Variants in TOM1 observed in about 807,000 individuals in gnomAD.
TOM1 encodes target of myb1 membrane trafficking protein.
Under a neutral mutation model 61.3 loss-of-function variants are expected in TOM1, and 38 were observed. That is an observed-to-expected ratio of 0.62 (90% confidence interval 0.48 to 0.81). TOM1 has a LOEUF of 0.81. Among genes scored for constraint, TOM1 ranks in the 40% least tolerant of loss-of-function variants. TOM1 has a pLI of 0.00. For missense variants in TOM1, 591 were observed against 659.6 expected, an observed-to-expected ratio of 0.90 and a Z score of 1.14; for synonymous variants, 270 against 268.8, an observed-to-expected ratio of 1.00 and a Z score of -0.04.
chr22:35,337,002 G>A (rs1024334274), intron 11 of TOM1, among the ~76,000 whole-genome samples: 2 of 150,236 alleles, frequency 1.3e-5, no homozygotes, highest in African/African-American at 2.5e-5. Flanking sequence ...GTGCAGTGGC[G>A]CTTGCAGAGT....
At chr22:35,331,713 G>A (rs755648617) in intron 8 of TOM1, among the ~76,000 whole-genome samples, 2 of 152,024 alleles carry the variant, frequency 1.3e-5, no homozygotes, top group African/African-American at 2.4e-5. Context: ...GTGAAACCCC[G>A]TCTCTACTAA....
chr22:35,335,417 T>A (rs554439382), intron 11 of TOM1, among the ~76,000 whole-genome samples: 1 of 152,300 alleles, frequency 6.6e-6, no homozygotes, highest in South Asian at 2.1e-4. Context: ...AGCTGTATCT[T>A]TCTTTAGTCT....
intron 1 of TOM1, among the ~76,000 whole-genome samples, chr22:35,300,627 C>T (rs1341247553): frequency 6.6e-6 from 1 of 152,188 alleles, no homozygotes; most frequent in South Asian, 2.1e-4. Flanking sequence ...CCTGGTCAGC[C>T]CATCTCGGTG....
chr22:35,300,069 A>AGGCAGGGAG, intron 1 of TOM1, 89 bp downstream of exon 1: 1 of 1,461,306 alleles, frequency 6.8e-7, no homozygotes, highest in Non-Finnish European at 9.3e-7. Flanking sequence ...CTAGTCACGG[A>AGGCAGGGAG]GGCAGGGAGG....
intron 1 of TOM1, among the ~76,000 whole-genome samples, chr22:35,314,144 C>T (rs535219117): frequency 3.3e-5 from 5 of 152,332 alleles, no homozygotes; most frequent in African/African-American, 1.2e-4. Flanking sequence ...TCACCGCAAT[C>T]CTGTTGTCCA....
At chr22:35,334,549 A>G (rs1376559658) in intron 11 of TOM1, 101 bp downstream of exon 11, 1 of 1,447,218 alleles carries the variant, frequency 6.9e-7, no homozygotes, top group African/African-American at 1.4e-5. Context: ...GGGCACACGG[A>G]CCCTGCTTAG....
At chr22:35,304,800 G>A (rs1306663277) in intron 1 of TOM1, among the ~76,000 whole-genome samples, 2 of 152,236 alleles carry the variant, frequency 1.3e-5, no homozygotes, top group Admixed American at 1.3e-4. Context: ...TTTATAGACA[G>A]ATATCAAGAA....
At chr22:35,343,703 C>T (rs1018552961) in intron 12 of TOM1, among the ~76,000 whole-genome samples, 2 of 114,432 alleles carry the variant, frequency 1.7e-5, no homozygotes, top group Admixed American at 1.9e-4. Flanking sequence ...ACTCATACAC[C>T]TACACACACA....
chr22:35,323,027 GGTCTTAGAAACCTGT>G lies in TOM1; in HGVS notation c.220_234del (p.Leu74_Val78del). Reference sequence around the variant, plus strand: ...CTCGACGGCACCTCTCGGCCCTCCAGGTCTTAGAAACCTGTGTCAAGAACTGCGGGCACCGCTTCC... The same window carrying G: ...CTCGACGGCACCTCTCGGCCCTCCAGGTCAAGAACTGCGGGCACCGCTTCC... On this transcript the variant is annotated inframe_deletion and splice_region_variant, in exon 4 of 15. Transcript: ENST00000449058. This position sits in a 1 kb window ranked among gnomAD's most constrained non-coding sequence, Gnocchi z 4.2. 6.2e-7 allele frequency: 1 copy of G among 1,613,958 alleles called. No homozygotes were observed. Among genetic ancestry groups the G allele is most frequent in the Non-Finnish European group, 8.5e-7 (1 of 1,180,008 alleles).
chr22:35,327,634 C>T (rs1928457310), intron 7 of TOM1, among the ~76,000 whole-genome samples: 1 of 152,200 alleles, frequency 6.6e-6, no homozygotes, highest in Non-Finnish European at 1.5e-5. Context: ...ATTGCTCTAA[C>T]AATAGCCTTC....
chr22:35,342,030 A>G (rs1032941966), intron 12 of TOM1, among the ~76,000 whole-genome samples: 1 of 152,070 alleles, frequency 6.6e-6, no homozygotes, highest in Non-Finnish European at 1.5e-5. Flanking sequence ...AGTGCCAGCT[A>G]CTTGGGAGGC....
intron 6 of TOM1, 149 bp from the exon 7 acceptor site, chr22:35,327,122 G>A (rs929121897): frequency 4.2e-5 from 30 of 713,276 alleles, no homozygotes; most frequent in Non-Finnish European, 6.2e-5. Flanking sequence ...GTCACTTTGG[G>A]AGCCAGGAGG....
intron 1 of TOM1, among the ~76,000 whole-genome samples, chr22:35,317,470 G>A (rs554715100): frequency 3.3e-5 from 5 of 152,300 alleles, no homozygotes; most frequent in African/African-American, 1.2e-4. Context: ...TTACAGGCGT[G>A]AGCCACCGCG....
chr22:35,328,821 C>T (rs1019877959), intron 7 of TOM1, among the ~76,000 whole-genome samples: 3 of 152,352 alleles, frequency 2.0e-5, no homozygotes, highest in African/African-American at 7.2e-5. Flanking sequence ...AGGCCACAGT[C>T]GGCAATGCCG....
intron 12 of TOM1, 95 bp downstream of exon 12, chr22:35,338,883 C>T (rs923505776): frequency 5.2e-5 from 61 of 1,163,854 alleles, no homozygotes; most frequent in Admixed American, 4.3e-4. Context: ...AAGCACTGGC[C>T]CAGCACGTCC....
chr22:35,346,013 G>A (rs1332554435), intron 13 of TOM1, among the ~76,000 whole-genome samples: 1 of 152,218 alleles, frequency 6.6e-6, no homozygotes, highest in African/African-American at 2.4e-5. Flanking sequence ...CTGCTCCCAA[G>A]GTGAGGTCCC....
In TOM1 at chr22:35,317,968, G is replaced by T. The variant is rs1480064343; in HGVS notation, c.137+7G>T. 1 of 1,612,718 alleles carries T rather than the reference G, an allele frequency of 6.2e-7. No homozygotes were observed. Among genetic ancestry groups the T allele is most frequent in the African/African-American group, 1.3e-5 (1 of 74,858 alleles). On this transcript the variant is annotated splice_region_variant and intron_variant, in intron 2 of 14. Coordinates refer to ENST00000449058, the MANE Select transcript of TOM1 (RefSeq NM_005488.3). Reference sequence around the variant, plus strand: ...TCAACGAGACGGAGGAAGGGTAAGGGCCCCCCAAGGAGAGGTTGGGGGCAG... The same window carrying T: ...TCAACGAGACGGAGGAAGGGTAAGGTCCCCCCAAGGAGAGGTTGGGGGCAG...
upstream of TOM1, chr22:35,299,454 CG>C (rs1311993547): frequency 1.3e-5 from 2 of 155,540 alleles, no homozygotes; most frequent in African/African-American, 4.8e-5. Context: ...AGAGTCTTAC[CG>C]GGACAAGGAG....
rs866087214 is a variant in TOM1 at position 35,323,360 on chromosome 22, G to A, written c.367-136G>A. On this transcript the variant is annotated intron_variant, in intron 4 of 14. Coordinates refer to ENST00000449058, the MANE Select transcript of TOM1 (RefSeq NM_005488.3). This position sits in a 1 kb window ranked among gnomAD's most constrained non-coding sequence, Gnocchi z 4.2. The stretch of plus-strand genomic sequence containing the variant: ...AGGCTTGCCAACTGCGTGCTTTGCT[G>A]TGGAGTGGGCAGGGCAGATGTAGTT... 7.1e-4 allele frequency: 974 copies of A among 1,371,096 alleles called. 1 individual carries two copies. Among genetic ancestry groups the A allele is most frequent in the Middle Eastern group, 6.4e-3 (25 of 3,890 alleles). 84.9% of individuals were successfully genotyped at this position (1,371,096 alleles called of 1,614,324 possible). A position where few individuals can be genotyped will look rare whatever the true frequency, so the allele number is the denominator to read the frequency against.
Sources: allele counts gnomAD v4.1 joint callset (sites outside exome capture counted in the v4.1 genomes callset), GRCh38; gene constraint gnomAD v4.1.1; non-coding constraint Gnocchi (gnomAD v3.1); transcripts MANE v1.5; gene names NCBI Gene and HGNC (gene_info 2026-07-23, HGNC 2026-07-21).